Variants in KALRN observed in about 807,000 individuals in gnomAD.
The protein encoded by KALRN is kalirin.
A neutral mutation model predicts 353.7 loss-of-function variants in KALRN; 70 were observed. That is an observed-to-expected ratio of 0.20 (90% CI 0.16 to 0.24). The LOEUF (loss-of-function observed/expected upper bound fraction) is 0.24, where lower values mean the gene tolerates loss of function less well. Ranked by LOEUF, KALRN falls within the 10% of genes least tolerant of loss-of-function variation. KALRN has a pLI of 1.00. For missense variants in KALRN, 2,791 were observed against 3,756.7 expected (o/e 0.74, Z 6.72); for synonymous variants, 1,391 against 1,434.8 (o/e 0.97, Z 0.69).
intron 33 of KALRN, among the ~76,000 whole-genome samples, chr3:124,529,758 A>G (rs1322182431): frequency 2.0e-5 from 3 of 151,990 alleles, no homozygotes; most frequent in Non-Finnish European, 4.4e-5. Flanking sequence ...GGCCCTGTAG[A>G]TCATTTCTAA....
chr3:124,454,925 G>A (rs528076317), intron 21 of KALRN, among the ~76,000 whole-genome samples: 1 of 152,280 alleles, frequency 6.6e-6, no homozygotes, highest in South Asian at 2.1e-4. Flanking sequence ...CCTGGAACAA[G>A]TTCCCCCCAC....
intron 3 of KALRN, among the ~76,000 whole-genome samples, chr3:124,244,044 A>T (rs1002339828): frequency 6.6e-6 from 1 of 152,206 alleles, no homozygotes; most frequent in Admixed American, 6.5e-5. Flanking sequence ...CTTCACTTCT[A>T]ATACGTAATG....
intron 47 of KALRN, among the ~76,000 whole-genome samples, chr3:124,667,857 G>A (rs2085846786): frequency 6.6e-6 from 1 of 152,018 alleles, no homozygotes; most frequent in African/African-American, 2.4e-5. Flanking sequence ...CCCCTGCTGG[G>A]GTTTTCTTCA....
chr3:124,085,651 C>T (rs1448239584), intron 1 of KALRN, among the ~76,000 whole-genome samples: 1 of 152,160 alleles, frequency 6.6e-6, no homozygotes, highest in Non-Finnish European at 1.5e-5. Context: ...TGCCATGGTC[C>T]TGAGGGAGCA....
chr3:124,697,838 T>G, intron 55 of KALRN, 114 bp downstream of exon 55: 5 of 1,104,240 alleles, frequency 4.5e-6, no homozygotes, highest in Middle Eastern at 3.1e-4. Context: ...TTTTCAAAAA[T>G]TTGAATAGAG....
At position 124,704,722 on chromosome 3, in the gene KALRN, A is replaced by G. The variant is rs558052198; in HGVS notation, c.8075+2606A>G. Among the ~76,000 whole-genome samples the G allele has an allele frequency of 2.3e-3, 353 of 151,390 alleles. 2 individuals carry two copies. Among genetic ancestry groups the G allele is most frequent in the Non-Finnish European group, 4.1e-3 (279 of 67,810 alleles). ...GCCATCACAGCCAGCTAATTTTTGC[A>G]TTTTTTTTGTAGATACGGTATTTCA... On this transcript the variant is annotated intron_variant, in intron 57 of 59. Transcript: ENST00000682506.
chr3:124,229,591 C>T (rs773705829), intron 2 of KALRN, among the ~76,000 whole-genome samples: 4 of 151,988 alleles, frequency 2.6e-5, no homozygotes, highest in Non-Finnish European at 4.4e-5. Context: ...GGCTGTTGGG[C>T]GACAGCCAAA....
intron 1 of KALRN, among the ~76,000 whole-genome samples, chr3:124,170,271 G>A (rs1035213275): frequency 4.6e-5 from 7 of 152,202 alleles, no homozygotes; most frequent in African/African-American, 1.4e-4. Flanking sequence ...GATGAAGGGT[G>A]TTGAACCATT....
chr3:124,249,935 C>A (rs948259966), intron 3 of KALRN, among the ~76,000 whole-genome samples: 2 of 152,196 alleles, frequency 1.3e-5, no homozygotes, highest in Non-Finnish European at 2.9e-5. Flanking sequence ...TCTCATCAGT[C>A]CCCTCTGCCA....
At chr3:124,571,089 G>C (rs915571574) in intron 34 of KALRN, among the ~76,000 whole-genome samples, 9 of 152,138 alleles carry the variant, frequency 5.9e-5, no homozygotes, top group African/African-American at 2.2e-4. Flanking sequence ...CGAGCCCCGA[G>C]TGTAAATCCA....
At chr3:124,337,887 T>G (rs1270049936) in intron 9 of KALRN, among the ~76,000 whole-genome samples, 1 of 152,168 alleles carries the variant, frequency 6.6e-6, no homozygotes, top group Non-Finnish European at 1.5e-5. Context: ...GCCCAGGAAT[T>G]TATCCATTTC....
intron 1 of KALRN, among the ~76,000 whole-genome samples, chr3:124,221,395 C>T (rs73186278): frequency 0.01 from 1,537 of 152,210 alleles, 11 homozygotes; most frequent in Middle Eastern, 0.017. Context: ...TTGTGACAGG[C>T]CCTGTGTGAG....
chr3:124,596,719 A>T (rs1406972598), intron 34 of KALRN, among the ~76,000 whole-genome samples: 1 of 152,162 alleles, frequency 6.6e-6, no homozygotes, highest in East Asian at 1.9e-4. Context: ...GGCCTGTGGT[A>T]AATCTAGGTA....
At chr3:124,546,670 G>A (rs1292082192) in intron 33 of KALRN, among the ~76,000 whole-genome samples, 1 of 152,120 alleles carries the variant, frequency 6.6e-6, no homozygotes, top group South Asian at 2.1e-4. Context: ...ACCCAAAAGC[G>A]CCCAGTGTGG....
intron 1 of KALRN, among the ~76,000 whole-genome samples, chr3:124,188,284 A>G (rs2074471379): frequency 6.6e-6 from 1 of 152,204 alleles, no homozygotes; most frequent in South Asian, 2.1e-4. Flanking sequence ...AGGTCCTCAG[A>G]TAATTTAGAT....
At chr3:124,155,054 A>G (rs1240121996) in intron 1 of KALRN, among the ~76,000 whole-genome samples, 1 of 152,238 alleles carries the variant, frequency 6.6e-6, no homozygotes, top group Non-Finnish European at 1.5e-5. Context: ...CTGGCTAGCC[A>G]TATGTAGAAA....
intron 10 of KALRN, among the ~76,000 whole-genome samples, chr3:124,373,410 T>C (rs1403630002): frequency 1.3e-5 from 2 of 152,176 alleles, no homozygotes; most frequent in Non-Finnish European, 2.9e-5. Context: ...CATTCTACAG[T>C]GCACAGGACA....
chr3:124,488,485 CA>C, intron 29 of KALRN, 170 bp downstream of exon 29: 7 of 592,534 alleles, frequency 1.2e-5, no homozygotes, highest in Admixed American at 2.8e-5. Flanking sequence ...CCACAAGGAC[CA>C]ATTTGGCTAG....
intron 1 of KALRN, among the ~76,000 whole-genome samples, chr3:124,183,839 G>A (rs977548471): frequency 6.6e-6 from 1 of 152,152 alleles, no homozygotes; most frequent in African/African-American, 2.4e-5. Flanking sequence ...ATCTTGTATA[G>A]CTTTAAAAAT....
Sources: gnomAD v4.1 joint callset for allele counts (sites outside exome capture counted in the v4.1 genomes callset) on GRCh38, gnomAD v4.1.1 for gene constraint, MANE v1.5 for transcripts, NCBI Gene and HGNC (gene_info 2026-07-23, HGNC 2026-07-21) for gene names.